Variants in DCC observed in about 807,000 individuals in gnomAD.
The protein encoded by DCC is DCC netrin 1 receptor.
DCC carries 58 observed loss-of-function variants against 172.5 expected under a neutral mutation model. That is an observed-to-expected ratio of 0.34 (90% CI 0.27 to 0.42). The LOEUF is 0.42. Among genes scored for constraint, DCC ranks in the 10% least tolerant of loss-of-function variants. The pLI, the probability that DCC is intolerant of heterozygous loss-of-function variation, is 1.00. For missense variants in DCC, 1,740 were observed against 1,791.0 expected (o/e 0.97, Z 0.51); for synonymous variants, 709 against 644.5 (o/e 1.10, Z -1.52).
At chr18:53,468,193 AT>A (rs1189986975) in intron 25 of DCC, among the ~76,000 whole-genome samples, 183 bp downstream of exon 25, 1 of 151,966 alleles carries the variant, frequency 6.6e-6, no homozygotes, top group Non-Finnish European at 1.5e-5. Context: ...TCGTTACTGT[AT>A]TTTTTTGTAT....
intron 2 of DCC, among the ~76,000 whole-genome samples, chr18:52,782,971 G>A (rs537894386): frequency 1.3e-5 from 2 of 152,048 alleles, no homozygotes; most frequent in African/African-American, 2.4e-5. Context: ...AGGCCTAAAT[G>A]TCTTTGGACA....
intron 1 of DCC, among the ~76,000 whole-genome samples, chr18:52,684,530 G>A (rs1278443399): frequency 1.3e-5 from 2 of 151,914 alleles, no homozygotes; most frequent in Non-Finnish European, 2.9e-5. Context: ...CTGCAGTCCT[G>A]GGATTTGGAA....
At chr18:53,096,486 T>A (rs1485032080) in intron 7 of DCC, among the ~76,000 whole-genome samples, 30 of 152,124 alleles carry the variant, frequency 2.0e-4, no homozygotes, top group Non-Finnish European at 1.5e-5. Context: ...AAAGTAGAGT[T>A]TGAATTTGCA....
chr18:53,218,866 C>T (rs11663824), intron 12 of DCC, among the ~76,000 whole-genome samples: 1 of 152,010 alleles, frequency 6.6e-6, no homozygotes, highest in Admixed American at 6.6e-5. Flanking sequence ...CATACTACAA[C>T]TTAATTAGTT....
At chr18:52,509,369 T>C (rs1434321032) in intron 1 of DCC, among the ~76,000 whole-genome samples, 1 of 152,222 alleles carries the variant, frequency 6.6e-6, no homozygotes, top group Non-Finnish European at 1.5e-5. Context: ...TTTTTTCATG[T>C]GGCAGCTCCA....
chr18:52,906,288 C>T lies in DCC; in HGVS notation c.657C>T (p.Ser219=). 4 of 1,613,994 alleles carry T rather than the reference C, an allele frequency of 2.5e-6. No individual in the cohort carries two copies. The highest frequency in any genetic ancestry group is 3.4e-6 in the Non-Finnish European group (4 of 1,180,024). ...GATGCTCAGCTCGAAATCCAGCCAG[C>T]TCAAGAACAGGAAATGAAGCAGAAG... is the stretch of plus-strand genomic sequence containing the variant. ...IYRCSARNPA[S]SRTGNEAEVR... Residue 219 remains serine, a synonymous_variant, in exon 3 of 29, where the codon AGC becomes AGT. Transcript: ENST00000442544.
intron 1 of DCC, among the ~76,000 whole-genome samples, chr18:52,354,272 G>A (rs1006643538): frequency 6.6e-6 from 1 of 152,142 alleles, no homozygotes; most frequent in Non-Finnish European, 1.5e-5. Context: ...GGGGAGGGGA[G>A]TAGAAAGAAC....
intron 12 of DCC, among the ~76,000 whole-genome samples, chr18:53,298,506 T>A (rs572213452): frequency 2.6e-5 from 3 of 113,834 alleles, no homozygotes; most frequent in African/African-American, 1.1e-4. Flanking sequence ...CCAGCCTGGA[T>A]GACACAGAGA....
chr18:52,997,148 C>A (rs2041495198), intron 5 of DCC, among the ~76,000 whole-genome samples: 1 of 152,034 alleles, frequency 6.6e-6, no homozygotes, highest in Non-Finnish European at 1.5e-5. Context: ...CTGAGTTAAA[C>A]AGGGAAGGTA....
chr18:53,440,543 T>A (rs1912211805), intron 22 of DCC, among the ~76,000 whole-genome samples: 1 of 151,760 alleles, frequency 6.6e-6, no homozygotes, highest in Admixed American at 6.6e-5. Flanking sequence ...CCAATGTAAA[T>A]AAAGTATACA....
At chr18:53,222,388 T>TC (rs1555733573) in intron 12 of DCC, among the ~76,000 whole-genome samples, 3 of 138,702 alleles carry the variant, frequency 2.2e-5, no homozygotes, top group South Asian at 4.6e-4. Flanking sequence ...TTTTTCTTTT[T>TC]TTTTTTTTTT....
intron 12 of DCC, among the ~76,000 whole-genome samples, chr18:53,295,796 CATT>C (rs1318856717): frequency 1.3e-5 from 2 of 152,086 alleles, no homozygotes; most frequent in Non-Finnish European, 2.9e-5. Flanking sequence ...CATGTAAATG[CATT>C]ATTATCTACC....
chr18:53,231,750 C>T (rs1568380356), intron 12 of DCC, among the ~76,000 whole-genome samples: 1 of 151,994 alleles, frequency 6.6e-6, no homozygotes, highest in Non-Finnish European at 1.5e-5. Flanking sequence ...GATTAATTTT[C>T]CAGTATTAAC....
intron 2 of DCC, among the ~76,000 whole-genome samples, chr18:52,756,490 A>G (rs1009887176): frequency 6.6e-6 from 1 of 152,222 alleles, no homozygotes; most frequent in Non-Finnish European, 1.5e-5. Flanking sequence ...ATATGTGCAT[A>G]CATAAACATA....
At chr18:53,522,208 T>A (rs1274220106) in intron 27 of DCC, among the ~76,000 whole-genome samples, 1 of 152,064 alleles carries the variant, frequency 6.6e-6, no homozygotes, top group Non-Finnish European at 1.5e-5. Context: ...CCAAGGTTTT[T>A]AGTGGCTGCC....
At chr18:52,938,916 C>T (rs909640901) in intron 5 of DCC, among the ~76,000 whole-genome samples, 2 of 152,078 alleles carry the variant, frequency 1.3e-5, no homozygotes, top group South Asian at 2.1e-4. Context: ...AGTCCTAAAA[C>T]CTCCTAACTT....
chr18:52,820,627 G>C (rs1893572), intron 2 of DCC, among the ~76,000 whole-genome samples: 74,532 of 151,810 alleles, frequency 0.49, 21,321 homozygotes, highest in Non-Finnish European at 0.65. Context: ...ATCCAACAAG[G>C]GGCCGACCAG....
intron 2 of DCC, chr18:52,892,579 TTTG>T (rs1324920182): frequency 6.6e-5 from 10 of 152,142 alleles, no homozygotes; most frequent in Non-Finnish European, 1.3e-4. Flanking sequence ...ATTTCAGGCT[TTTG>T]TGGTGAGCTT....
At chr18:52,934,342 A>C (rs1166936491) in intron 5 of DCC, among the ~76,000 whole-genome samples, 2 of 152,162 alleles carry the variant, frequency 1.3e-5, no homozygotes, top group East Asian at 1.9e-4. Context: ...GATGATGTCC[A>C]TTTGTGATGT....
Sources: gnomAD v4.1 joint callset for allele counts (sites outside exome capture counted in the v4.1 genomes callset) on GRCh38, gnomAD v4.1.1 for gene constraint, MANE v1.5 for transcripts, NCBI Gene and HGNC (gene_info 2026-07-23, HGNC 2026-07-21) for gene names.